VTI1A: variants seen among roughly 807,000 people sequenced by gnomAD.
VTI1A encodes the protein vesicle transport through interaction with t-SNAREs homolog 1A.
VTI1A carries 22 observed loss-of-function variants against 34.9 expected under a neutral mutation model. The ratio of observed to expected loss-of-function variants is 0.63; its 90% CI spans 0.45 to 0.90. VTI1A has a LOEUF of 0.90. VTI1A is among the 40% of genes least tolerant of loss of function. VTI1A has a pLI of 0.00. For synonymous variants in VTI1A, 87 were observed against 97.3 expected (o/e 0.89, Z 0.62); for missense variants, 268 against 275.6 (o/e 0.97, Z 0.20).
chr10:112,673,759 G>C (rs941081070), intron 7 of VTI1A, among the ~76,000 whole-genome samples: 2 of 152,154 alleles, frequency 1.3e-5, no homozygotes, highest in African/African-American at 4.8e-5. Context: ...GTAGTCTTTG[G>C]TAGAATGACA....
At chr10:112,467,549 G>T (rs541760231) in intron 3 of VTI1A, among the ~76,000 whole-genome samples, 1 of 152,192 alleles carries the variant, frequency 6.6e-6, no homozygotes, top group Non-Finnish European at 1.5e-5. Flanking sequence ...ATCCTGGGCT[G>T]CCTGCAGCCT....
At chr10:112,558,644 T>C (rs544936943) in intron 5 of VTI1A, among the ~76,000 whole-genome samples, 3 of 152,218 alleles carry the variant, frequency 2.0e-5, no homozygotes, top group Non-Finnish European at 2.9e-5. Context: ...GTTCACTTGG[T>C]GCTGGGCATA....
chr10:112,497,732 G>A (rs188795923), intron 3 of VTI1A, among the ~76,000 whole-genome samples: 36 of 152,256 alleles, frequency 2.4e-4, no homozygotes, highest in African/African-American at 7.9e-4. Context: ...ACCACACTTG[G>A]TTACTCAGTG....
chr10:112,797,269 C>T (rs1314111328), intron 7 of VTI1A, among the ~76,000 whole-genome samples: 1 of 152,042 alleles, frequency 6.6e-6, no homozygotes. Flanking sequence ...TTTAAAGCAT[C>T]TAAAAAAACA....
chr10:112,500,868 G>A (rs567925891), intron 3 of VTI1A, among the ~76,000 whole-genome samples: 1 of 152,234 alleles, frequency 6.6e-6, no homozygotes, highest in South Asian at 2.1e-4. Context: ...TACATGCTAT[G>A]TCCTTATCCT....
At chr10:112,844,468 G>T in the VTI1A span, among the ~76,000 whole-genome samples, 1 of 152,158 alleles carries the variant, frequency 6.6e-6, no homozygotes, top group Admixed American at 6.5e-5. Context: ...GTTCAATCTC[G>T]GCTCACTGCA....
intron 5 of VTI1A, among the ~76,000 whole-genome samples, 195 bp from the exon 6 acceptor site, chr10:112,668,023 T>C (rs1336788351): frequency 2.0e-5 from 3 of 152,160 alleles, no homozygotes; most frequent in Admixed American, 2.0e-4. Flanking sequence ...AGGTCAAATA[T>C]CTAATTATGC....
At chr10:112,617,739 AAAAAC>A in intron 5 of VTI1A, among the ~76,000 whole-genome samples, 1 of 152,284 alleles carries the variant, frequency 6.6e-6, no homozygotes, top group South Asian at 2.1e-4. Context: ...AAATAAGACT[AAAAAC>A]AAAAAACTTT....
intron 5 of VTI1A, among the ~76,000 whole-genome samples, chr10:112,569,579 C>T (rs1041027140): frequency 2.0e-5 from 3 of 152,148 alleles, no homozygotes; most frequent in African/African-American, 7.2e-5. Context: ...CAAAGCAGTG[C>T]CATCTGTAAT....
chr10:112,721,627 G>A (rs1254972295), intron 7 of VTI1A, among the ~76,000 whole-genome samples: 4 of 152,124 alleles, frequency 2.6e-5, no homozygotes, highest in African/African-American at 7.2e-5. Flanking sequence ...CAAGTCTCTT[G>A]GCTCCCATGT....
chr10:112,644,213 T>C (rs1436576815), intron 5 of VTI1A, among the ~76,000 whole-genome samples: 1 of 152,224 alleles, frequency 6.6e-6, no homozygotes, highest in Non-Finnish European at 1.5e-5. Context: ...GTATTTTAAT[T>C]CTTCTAATTG....
At chr10:112,528,854 C>G (rs1312737064) in intron 4 of VTI1A, among the ~76,000 whole-genome samples, 3 of 152,030 alleles carry the variant, frequency 2.0e-5, no homozygotes, top group Non-Finnish European at 4.4e-5. Context: ...TGTTGTAGTT[C>G]TATGATAGGG....
chr10:112,515,005 T>C (rs1378897703), intron 3 of VTI1A, among the ~76,000 whole-genome samples: 2 of 152,096 alleles, frequency 1.3e-5, no homozygotes, highest in African/African-American at 2.4e-5. Flanking sequence ...TAAATTCTTA[T>C]CTAATTTTAA....
intron 5 of VTI1A, among the ~76,000 whole-genome samples, chr10:112,546,442 C>T (rs1851132243): frequency 6.6e-6 from 1 of 151,990 alleles, no homozygotes; most frequent in African/African-American, 2.4e-5. Context: ...TGTATACTCC[C>T]TATGAAATAA....
intron 5 of VTI1A, among the ~76,000 whole-genome samples, chr10:112,656,394 T>C (rs1847229146): frequency 6.6e-6 from 1 of 151,784 alleles, no homozygotes. Flanking sequence ...AACCTTTTTT[T>C]TTTTTTTTTT....
At chr10:112,849,582 G>A in the VTI1A span, among the ~76,000 whole-genome samples, 1 of 152,210 alleles carries the variant, frequency 6.6e-6, no homozygotes, top group Non-Finnish European at 1.5e-5. Context: ...TCCATTGGAG[G>A]GGGCAGCCCT....
At chr10:112,536,282 G>GATCT (rs1850610868) in intron 4 of VTI1A, among the ~76,000 whole-genome samples, 1 of 152,102 alleles carries the variant, frequency 6.6e-6, no homozygotes, top group Non-Finnish European at 1.5e-5. Context: ...TGATTTCACA[G>GATCT]ATCTGATTGA....
intron 3 of VTI1A, among the ~76,000 whole-genome samples, chr10:112,505,919 A>G (rs957337709): frequency 1.3e-5 from 2 of 152,100 alleles, no homozygotes; most frequent in Non-Finnish European, 2.9e-5. Context: ...CCCGTTACCT[A>G]CTTTCTGTGG....
the VTI1A span, among the ~76,000 whole-genome samples, chr10:112,840,611 C>T: frequency 6.6e-6 from 1 of 152,204 alleles, no homozygotes; most frequent in Admixed American, 6.5e-5. Context: ...CCCATTGAGA[C>T]CCCCTGGGCA....
Sources: allele counts gnomAD v4.1 joint callset (sites outside exome capture counted in the v4.1 genomes callset), GRCh38; gene constraint gnomAD v4.1.1; transcripts MANE v1.5; gene names NCBI Gene and HGNC (gene_info 2026-07-23, HGNC 2026-07-21).